FBN2: variants seen among roughly 807,000 people sequenced by gnomAD.
FBN2 encodes fibrillin-2.
In FBN2, 105 loss-of-function variants were observed where a neutral mutation model predicts 355.6. That is an observed-to-expected ratio of 0.30 (90% CI 0.25 to 0.35). The LOEUF (loss-of-function observed/expected upper bound fraction) is 0.35. Ranked by LOEUF, FBN2 falls within the 10% of genes least tolerant of loss-of-function variation. The pLI is 1.00. For missense variants in FBN2, 3,280 were observed against 3,758.7 expected (o/e 0.87, Z 3.33); for synonymous variants, 1,350 against 1,301.2 (o/e 1.04, Z -0.81).
intron 48 of FBN2, among the ~76,000 whole-genome samples, chr5:128,294,009 C>T (rs975024672): frequency 6.6e-6 from 1 of 151,702 alleles, no homozygotes; most frequent in African/African-American, 2.4e-5. Context: ...CACCACAGTC[C>T]CCAGAGTGTG....
Position 128,287,997 on chromosome 5 carries a change from G to A in FBN2, c.6757+441C>T, listed in dbSNP as rs187435749. Among the ~76,000 whole-genome samples, 638 of 152,288 alleles carry A rather than the reference G, an allele frequency of 4.2e-3. 5 individuals carry two copies. Among genetic ancestry groups the A allele is most frequent in the South Asian group, 8.7e-3 (42 of 4,824 alleles). On this transcript the variant is annotated intron_variant, in intron 53 of 64. Coordinates refer to ENST00000262464, the MANE Select transcript of FBN2 (RefSeq NM_001999.4). ...TTAAAGAACTGACAGATGAGCCACCGCCCTTCTGAGGCCTGAGGGTCTGCT... is the reference window on the plus strand; with the variant it reads ...TTAAAGAACTGACAGATGAGCCACCACCCTTCTGAGGCCTGAGGGTCTGCT...
chr5:128,331,357 A>T (rs1750687356), intron 32 of FBN2, among the ~76,000 whole-genome samples: 1 of 152,150 alleles, frequency 6.6e-6, no homozygotes, highest in South Asian at 2.1e-4. Flanking sequence ...TATTCCTTGC[A>T]GAGGGACGAG....
intron 33 of FBN2, among the ~76,000 whole-genome samples, chr5:128,330,050 A>G (rs1398443887): frequency 1.3e-5 from 2 of 152,208 alleles, no homozygotes; most frequent in African/African-American, 4.8e-5. Context: ...AACTACTGAG[A>G]CTTTGATAAA....
At chr5:128,472,961 A>T (rs962563939) in intron 5 of FBN2, among the ~76,000 whole-genome samples, 3 of 152,158 alleles carry the variant, frequency 2.0e-5, no homozygotes, top group African/African-American at 7.2e-5. Flanking sequence ...TATTTTTTGG[A>T]TGCAGAGTCA....
At chr5:128,448,755 C>T (rs1042486174) in intron 6 of FBN2, among the ~76,000 whole-genome samples, 24 of 152,044 alleles carry the variant, frequency 1.6e-4, no homozygotes, top group African/African-American at 5.3e-4. Context: ...TTACTAGCTC[C>T]TACACTTACT....
chr5:128,369,394 CAGA>C, intron 15 of FBN2, 60 bp from the exon 16 acceptor site: 1 of 1,575,922 alleles, frequency 6.3e-7, no homozygotes, highest in Non-Finnish European at 8.7e-7. Context: ...GATTTCGAAA[CAGA>C]AGGCTTCTTT....
rs200850552 is a variant in FBN2 at position 128,392,141 on chromosome 5, T to C, written c.1480A>G (p.Thr494Ala). 1.9e-6 allele frequency: 3 copies of C among 1,613,606 alleles called. No individual in the cohort carries two copies. The highest frequency in any genetic ancestry group is 2.5e-6 in the Non-Finnish European group (3 of 1,179,624). Residue 494 changes from threonine (T) to alanine (A), a missense_variant, in exon 11 of 65, where the codon ACA becomes GCA. This residue lies in a region of FBN2 where 343 missense variants were observed against 331.0 expected (regional missense o/e 1.04). Coordinates refer to ENST00000262464, the MANE Select transcript of FBN2 (RefSeq NM_001999.4). ...GCATGATGCTTACAGATATCTATTG[T>C]CTGGTTCAGAATTGCTACGGAAAAT... ...IITGLTILNQ[T>A]IDICKHHANL... is the part of the protein sequence containing the mutation.
chr5:128,500,446 T>C (rs1755779255), intron 5 of FBN2, among the ~76,000 whole-genome samples: 2 of 133,886 alleles, frequency 1.5e-5, no homozygotes. Context: ...TTTTTTTTTT[T>C]TTTTTTTTTT....
At chr5:128,461,163 GACAA>G (rs1315399049) in intron 6 of FBN2, among the ~76,000 whole-genome samples, 10 of 151,852 alleles carry the variant, frequency 6.6e-5, no homozygotes, top group Admixed American at 2.6e-4. Context: ...ATAAGAAAAA[GACAA>G]ACAACCCCAT....
At chr5:128,415,819 C>T (rs1753180761) in intron 7 of FBN2, among the ~76,000 whole-genome samples, 1 of 152,216 alleles carries the variant, frequency 6.6e-6, no homozygotes, top group African/African-American at 2.4e-5. Flanking sequence ...TTACCACCAA[C>T]AGTGTATAAG....
rs141841206 is a variant in FBN2, at chr5:128,263,490, G to C, written c.8127C>G (p.Gly2709=). The C allele has an allele frequency of 1.2e-6, 2 of 1,614,142 alleles. No homozygotes were observed. Among genetic ancestry groups the C allele is most frequent in the Non-Finnish European group, 1.7e-6 (2 of 1,180,014 alleles). The change falls in exon 63 of 65, where the codon GGC becomes GGG. Residue 2709 remains glycine (G), a synonymous_variant. Transcript: ENST00000262464. Reference sequence around the variant, plus strand: ...GGTAGCCCCCCTCCGTGTTAGAGCAGCCGTAATTGCAGGGGTTCTTGGAGG... The same window carrying C: ...GGTAGCCCCCCTCCGTGTTAGAGCACCCGTAATTGCAGGGGTTCTTGGAGG... ...CSSSKNPCNY[G]CSNTEGGYLC...
intron 11 of FBN2, among the ~76,000 whole-genome samples, chr5:128,387,148 T>G (rs1437506283): frequency 6.6e-6 from 1 of 152,144 alleles, no homozygotes; most frequent in African/African-American, 2.4e-5. Context: ...AGGGATTCAA[T>G]TTCTTCCTGG....
chr5:128,490,636 C>A (rs559918481), intron 5 of FBN2, among the ~76,000 whole-genome samples: 80 of 152,270 alleles, frequency 5.3e-4, no homozygotes, highest in Non-Finnish European at 1.8e-4. Context: ...ATTTCGAATT[C>A]TATCCATTTA....
At chr5:128,386,694 C>G (rs1298455975) in intron 11 of FBN2, among the ~76,000 whole-genome samples, 1 of 151,984 alleles carries the variant, frequency 6.6e-6, no homozygotes, top group Non-Finnish European at 1.5e-5. Context: ...TCTCTGATTT[C>G]TTTGTCTCTG....
At chr5:128,263,399 T>G in intron 63 of FBN2, 26 bp downstream of exon 63, 2 of 1,544,210 alleles carry the variant, frequency 1.3e-6, no homozygotes, top group East Asian at 4.5e-5. Context: ...TATTCCTCTA[T>G]GTGCTGAGGC....
chr5:128,449,962 G>C (rs1175836127), intron 6 of FBN2, among the ~76,000 whole-genome samples: 2 of 151,952 alleles, frequency 1.3e-5, no homozygotes, highest in African/African-American at 4.8e-5. Context: ...ATGACAAAGG[G>C]GTCAATTCAT....
intron 11 of FBN2, among the ~76,000 whole-genome samples, chr5:128,385,183 G>A (rs962484287): frequency 2.0e-5 from 3 of 152,068 alleles, no homozygotes; most frequent in Admixed American, 6.6e-5. Flanking sequence ...GTGCCTGATA[G>A]GTAGCTTTTC....
intron 5 of FBN2, among the ~76,000 whole-genome samples, chr5:128,501,279 A>G (rs192336736): frequency 1.7e-4 from 26 of 152,346 alleles, no homozygotes; most frequent in Middle Eastern, 6.8e-3. Flanking sequence ...TACAGAGCTC[A>G]GATCCTTTCA....
intron 5 of FBN2, among the ~76,000 whole-genome samples, chr5:128,487,616 C>T (rs1395615275): frequency 3.9e-5 from 6 of 152,130 alleles, no homozygotes; most frequent in Non-Finnish European, 4.4e-5. Context: ...GGTGGTTTCT[C>T]TATTACCTAG....
Sources: gnomAD v4.1 joint callset for allele counts (sites outside exome capture counted in the v4.1 genomes callset) on GRCh38, gnomAD v4.1.1 for gene constraint, gnomAD v4.1.1 regional missense constraint, MANE v1.5 for transcripts, NCBI Gene and HGNC (gene_info 2026-07-23, HGNC 2026-07-21) for gene names.